CDK13: variants seen among roughly 807,000 people sequenced by gnomAD.
The protein encoded by CDK13 is cyclin-dependent kinase 13.
A neutral mutation model predicts 137.6 loss-of-function variants in CDK13; 40 were observed. That is an observed-to-expected ratio of 0.29 (90% CI 0.23 to 0.38). The LOEUF (loss-of-function observed/expected upper bound fraction) is 0.38, where lower values mean the gene tolerates loss of function less well. CDK13 is among the 10% of genes least tolerant of loss of function. CDK13 has a pLI of 1.00. For synonymous variants in CDK13, 869 were observed against 760.1 expected (o/e 1.14, Z -2.36); for missense variants, 1,704 against 1,951.8 (o/e 0.87, Z 2.39).
chr7:39,997,728 C>T, intron 3 of CDK13, 64 bp downstream of exon 3: 2 of 1,169,372 alleles, frequency 1.7e-6, no homozygotes, highest in Admixed American at 4.5e-5. Context: ...ATCAGAAGTT[C>T]ATAAAACACT....
intron 9 of CDK13, chr7:40,066,543 T>C (rs1459670928): frequency 6.6e-6 from 1 of 152,230 alleles, no homozygotes; most frequent in Non-Finnish European, 1.5e-5. Flanking sequence ...TTATTATAAT[T>C]ACATAGTTTA....
chr7:40,007,814 G>T (rs1300602229), intron 5 of CDK13, among the ~76,000 whole-genome samples: 2 of 152,066 alleles, frequency 1.3e-5, no homozygotes, highest in African/African-American at 4.8e-5. Flanking sequence ...TTTATTCTTT[G>T]TGTTCATTGT....
At chr7:40,036,403 C>G (rs1291630233) in intron 5 of CDK13, among the ~76,000 whole-genome samples, 1 of 152,034 alleles carries the variant, frequency 6.6e-6, no homozygotes, top group African/African-American at 2.4e-5. Context: ...GAAACCCTGT[C>G]TCTACCAAAA....
At chr7:40,083,399 C>A (rs1019646502) in intron 11 of CDK13, among the ~76,000 whole-genome samples, 2 of 151,810 alleles carry the variant, frequency 1.3e-5, no homozygotes, top group African/African-American at 2.4e-5. Flanking sequence ...AGTTGTCTTA[C>A]CAATGCTTAT....
rs188753924 is a variant in CDK13 at position 39,994,547 on chromosome 7, A to T, written c.1872-2947A>T. The stretch of plus-strand genomic sequence containing the variant: ...GGGGCAGACAGTAATATAAAAATGA[A>T]GGGGATGGAGTAAATTAGTGATGCG... On this transcript the variant is annotated intron_variant, in intron 2 of 13. Transcript: ENST00000181839. Among the ~76,000 whole-genome samples the T allele has an allele frequency of 4.4e-3, 664 of 152,302 alleles. 5 individuals are homozygous for T. Among genetic ancestry groups the T allele is most frequent in the African/African-American group, 0.015 (626 of 41,588 alleles).
rs73392746 is a variant in CDK13, at chr7:40,057,926, T to C, written c.2601-4900T>C. Among the ~76,000 whole-genome samples, 955 of 152,328 alleles carry C rather than the reference T, an allele frequency of 6.3e-3. 13 individuals are homozygous for C. Among genetic ancestry groups the C allele is most frequent in the African/African-American group, 0.021 (882 of 41,580 alleles). On this transcript the variant is annotated intron_variant, in intron 7 of 13. Coordinates refer to ENST00000181839, the MANE Select transcript of CDK13 (RefSeq NM_003718.5). ...GATTGTGTTTATTGTTATGTAGTTA[T>C]GTTATATGAAAGTATTAATAAGTTA... is the stretch of plus-strand genomic sequence containing the variant.
At chr7:39,970,455 A>G (rs1783972763) in intron 1 of CDK13, among the ~76,000 whole-genome samples, 1 of 134,228 alleles carries the variant, frequency 7.5e-6, no homozygotes. Flanking sequence ...TGTCTTTTGT[A>G]CTGTTGTCAT....
intron 5 of CDK13, among the ~76,000 whole-genome samples, chr7:40,003,198 A>C (rs796773548): frequency 2.2e-5 from 2 of 89,418 alleles, no homozygotes; most frequent in Admixed American, 1.2e-4. Flanking sequence ...ACACACACAC[A>C]CACACACACT....
Position 39,951,004 on chromosome 7 carries a change from C to G in CDK13, c.363C>G (p.Phe121Leu). 3.1e-6 allele frequency: 4 copies of G among 1,305,458 alleles called. No individual in the cohort carries two copies. The highest frequency in any genetic ancestry group is 3.9e-6 in the Non-Finnish European group (4 of 1,030,534). 80.9% of individuals were successfully genotyped at this position (1,305,458 alleles called of 1,614,324 possible). Residue 121 changes from phenylalanine (F) to leucine (L), a missense_variant, in exon 1 of 14, where the codon TTC becomes TTG. Phe to Leu is a conservative substitution (Grantham distance 22). Around this residue, in one of 5 missense-constraint regions of CDK13, gnomAD observed 1,051 missense variants for 931.0 expected, o/e 1.13. Coordinates refer to ENST00000181839, the MANE Select transcript of CDK13 (RefSeq NM_003718.5). ...AGQEAEKRRV[F>L]SLPQPQQDGG... ...AGGAGGCGGAGAAGCGTCGGGTCTT[C>G]TCGCTGCCCCAGCCGCAGCAGGACG...
chr7:39,996,208 G>T (rs1784557234), intron 2 of CDK13, among the ~76,000 whole-genome samples: 1 of 152,022 alleles, frequency 6.6e-6, no homozygotes, highest in African/African-American at 2.4e-5. Context: ...ACGAATAGGA[G>T]GATAATTACA....
chr7:40,092,530 G>A (rs1273068260), intron 12 of CDK13: 9 of 435,496 alleles, frequency 2.1e-5, no homozygotes, highest in Middle Eastern at 6.4e-4. Flanking sequence ...TGAGGTTTTA[G>A]TAGTGGTCTT....
At chr7:40,083,797 T>G (rs1786723176) in intron 11 of CDK13, among the ~76,000 whole-genome samples, 1 of 152,148 alleles carries the variant, frequency 6.6e-6, no homozygotes, top group Non-Finnish European at 1.5e-5. Context: ...GTTAGATACA[T>G]TACTAAAGCA....
chr7:40,033,040 T>C (rs1381996528), intron 5 of CDK13, among the ~76,000 whole-genome samples: 1 of 152,202 alleles, frequency 6.6e-6, no homozygotes, highest in Non-Finnish European at 1.5e-5. Context: ...TCTTCATTCT[T>C]TTGATTTCTT....
rs1369145082 is a variant in CDK13 at position 39,988,237 on chromosome 7, C to G, written c.1850C>G (p.Pro617Arg). The G allele has an allele frequency of 6.3e-7, 1 of 1,598,640 alleles. No individual in the cohort carries two copies. The highest frequency in any genetic ancestry group is 8.5e-7 in the Non-Finnish European group (1 of 1,176,106). ...LPPLPLPPML[P>R]EDKEADSLRG... ...CCGTTACCTTTGCCTCCCATGCTGC[C>G]TGAAGATAAAGAAGCTGATAGGTAA... The change falls in exon 2 of 14, where the codon CCT (proline) becomes CGT (arginine). Residue 617 changes from proline (P) to arginine (R), a missense_variant. Transcript: ENST00000181839.
At chr7:40,047,070 C>T (rs1785760447) in intron 6 of CDK13, among the ~76,000 whole-genome samples, 1 of 144,092 alleles carries the variant, frequency 6.9e-6, no homozygotes, top group Non-Finnish European at 1.5e-5. Context: ...TAAAATAATA[C>T]TTAGTTGACT....
intron 2 of CDK13, among the ~76,000 whole-genome samples, chr7:39,991,781 G>T (rs1313194214): frequency 6.6e-6 from 1 of 152,014 alleles, no homozygotes; most frequent in Non-Finnish European, 1.5e-5. Flanking sequence ...GTGGCTCACA[G>T]TTGTAATCCC....
At chr7:39,981,635 A>G (rs764878920) in intron 1 of CDK13, among the ~76,000 whole-genome samples, 7 of 152,194 alleles carry the variant, frequency 4.6e-5, no homozygotes, top group Non-Finnish European at 1.0e-4. Flanking sequence ...GCAAATCACA[A>G]TATCTGAGAG....
intron 7 of CDK13, among the ~76,000 whole-genome samples, chr7:40,055,197 T>TGTGTGTGTGTGTG (rs1785987305): frequency 6.6e-6 from 1 of 150,892 alleles, no homozygotes; most frequent in Non-Finnish European, 1.5e-5. Flanking sequence ...TGTGTGTGTG[T>TGTGTGTGTGTGTG]TTTCCTGGGT....
rs774951264 is a variant in CDK13, at chr7:39,951,655, C to A, written c.1014C>A (p.Arg338=). Residue 338 remains arginine (R), a synonymous_variant, in exon 1 of 14, where the codon CGC becomes CGA. Transcript: ENST00000181839. ...GGGCCTCTCAGAGCCTGAGGAGCCG[C>A]AAGTCCCCCAGCCCGGCAGGAGGTG... ...SHRASQSLRS[R]KSPSPAGGGS... 7 of 1,478,224 alleles carry A rather than the reference C, an allele frequency of 4.7e-6. No individual in the cohort carries two copies. Among genetic ancestry groups the A allele is most frequent in the Non-Finnish European group, 6.3e-6 (7 of 1,119,032 alleles). 91.6% of individuals were successfully genotyped at this position (1,478,224 alleles called of 1,614,324 possible).
Sources: gnomAD v4.1 joint callset for allele counts (sites outside exome capture counted in the v4.1 genomes callset) on GRCh38, gnomAD v4.1.1 for gene constraint, gnomAD v4.1.1 regional missense constraint, MANE v1.5 for transcripts, NCBI Gene and HGNC (gene_info 2026-07-23, HGNC 2026-07-21) for gene names.